The following SLC6A15 variants were observed in gnomAD, a reference collection of about 807,000 sequenced individuals.
The protein encoded by SLC6A15 is solute carrier family 6 member 15, also known as sodium-dependent neutral amino acid transporter B(0)AT2.
Under a neutral mutation model 68.5 loss-of-function variants are expected in SLC6A15, and 33 were observed. That is an observed-to-expected ratio of 0.48 (90% CI 0.37 to 0.64). The LOEUF (loss-of-function observed/expected upper bound fraction) is 0.64. Among genes scored for constraint, SLC6A15 ranks in the 30% least tolerant of loss-of-function variants. The probability of loss-of-function intolerance (pLI) is 0.00; values close to 1 mark genes in which losing one functional copy is unlikely to be tolerated. For synonymous variants in SLC6A15, 347 were observed against 301.0 expected (o/e 1.15, Z -1.58); for missense variants, 747 against 874.3 (o/e 0.85, Z 1.84).
intron 8 of SLC6A15, among the ~76,000 whole-genome samples, chr12:84,871,177 T>C (rs1361220508): frequency 1.3e-5 from 2 of 151,692 alleles, no homozygotes; most frequent in African/African-American, 2.4e-5. Context: ...AAACTTGTTT[T>C]GATTTAAGAG....
Position 84,891,993 on chromosome 12 carries a change from C to G in SLC6A15, c.128G>C (p.Gly43Ala), listed in dbSNP as rs1592608103. The G allele has an allele frequency of 1.2e-6, 2 of 1,613,884 alleles. No homozygotes were observed. Among genetic ancestry groups the G allele is most frequent in the South Asian group, 1.1e-5 (1 of 91,072 alleles). Residue 43 changes from glycine (G) to alanine (A), a missense_variant, in exon 2 of 12, where the codon GGC becomes GCC. Coordinates refer to ENST00000266682, the MANE Select transcript of SLC6A15 (RefSeq NM_182767.6). ...AFKTSELIVD[G>A]QEEKDTDVEE... The stretch of plus-strand genomic sequence containing the variant: ...AACATCTGTATCTTTCTCTTCCTGG[C>G]CATCAACAATTAGTTCACTTGTCTT...
chr12:84,885,351 A>C (rs1036751681), intron 4 of SLC6A15, 84 bp downstream of exon 4: 1 of 1,281,872 alleles, frequency 7.8e-7, no homozygotes, highest in Admixed American at 2.8e-5. Flanking sequence ...ACATTATTTT[A>C]AAAAGAAAAA....
chr12:84,906,475 C>T (rs1433170200), intron 1 of SLC6A15, among the ~76,000 whole-genome samples: 1 of 152,002 alleles, frequency 6.6e-6, no homozygotes, highest in South Asian at 2.1e-4. Flanking sequence ...AGAGGAGCTA[C>T]AACAATTTTA....
At chr12:84,883,775 A>T (rs146618318) in intron 5 of SLC6A15, 84 bp downstream of exon 5, 1 of 1,613,746 alleles carries the variant, frequency 6.2e-7, no homozygotes, top group African/African-American at 1.3e-5. Context: ...TGATTTGCCC[A>T]CAGAAATCTG....
rs1261282301 is a variant in SLC6A15 at position 84,876,712 on chromosome 12, C to T, written c.757-105G>A. ...TACTTTGACAGTCACTGTTTCATGA[C>T]AGGATTAATAAAACTATTAATAACT... On this transcript the variant is annotated intron_variant, in intron 5 of 11. Coordinates refer to ENST00000266682, the MANE Select transcript of SLC6A15 (RefSeq NM_182767.6). 5.7e-6 allele frequency: 3 copies of T among 530,602 alleles called. No individual in the cohort carries two copies. The African/African-American group carries it at 6.0e-5, about 11-fold the overall frequency. The allele number at this position is 530,602 out of a possible 1,614,324, so 32.9% of individuals were successfully genotyped here.
At chr12:84,880,774 T>C (rs1421707122) in intron 5 of SLC6A15, 1 of 469,642 alleles carries the variant, frequency 2.1e-6, no homozygotes, top group Non-Finnish European at 2.8e-6. Flanking sequence ...AGAGACTATT[T>C]TATCTTTCAA....
chr12:84,869,918 G>A (rs1199039942), intron 9 of SLC6A15, among the ~76,000 whole-genome samples: 3 of 151,986 alleles, frequency 2.0e-5, no homozygotes, highest in African/African-American at 7.2e-5. Context: ...ATGGGAGTAT[G>A]ATGCATTAAA....
At chr12:84,911,385 C>A (rs987526311) in intron 1 of SLC6A15, among the ~76,000 whole-genome samples, 1 of 152,176 alleles carries the variant, frequency 6.6e-6, no homozygotes, top group African/African-American at 2.4e-5. Context: ...AAGAAACCGT[C>A]GCAGACTTAT....
At position 84,910,928 on chromosome 12, in the gene SLC6A15, C is replaced by CTCTCTCTCTCTCTCTCTCTCTCT. The variant is rs1873408667; in HGVS notation, c.-189+1594_-189+1595insAGAGAGAGAGAGAGAGAGAGAGA. ...ATTTGCTGTTGAGCCGCCCTCTTTC[C>CTCTCTCTCTCTCTCTCTCTCTCT]GTGTGTGTGTGTGTGTGTGTGTGTG... On this transcript the variant is annotated intron_variant, in intron 1 of 11. Coordinates refer to ENST00000266682, the MANE Select transcript of SLC6A15 (RefSeq NM_182767.6). 1.0e-3 allele frequency among the ~76,000 whole-genome samples: 146 copies of CTCTCTCTCTCTCTCTCTCTCTCT among 143,514 alleles called. 7 individuals are homozygous for CTCTCTCTCTCTCTCTCTCTCTCT. Among genetic ancestry groups the CTCTCTCTCTCTCTCTCTCTCTCT allele is most frequent in the African/African-American group, 3.7e-3 (131 of 35,296 alleles). The allele number at this position is 143,514 out of a possible 152,430, so 94.2% of individuals were successfully genotyped here. A position where few individuals can be genotyped will look rare whatever the true frequency, so the allele number is the denominator to read the frequency against.
chr12:84,902,094 A>T lies in SLC6A15; in HGVS notation c.-188-9786T>A, dbSNP rs184650977. Among the ~76,000 whole-genome samples the T allele has an allele frequency of 5.5e-4, 84 of 152,024 alleles. No individual in the cohort carries two copies. The Middle Eastern group carries it at 0.01, about 18-fold the overall frequency. On this transcript the variant is annotated intron_variant, in intron 1 of 11. Coordinates refer to ENST00000266682, the MANE Select transcript of SLC6A15 (RefSeq NM_182767.6). ...ACTGAAATAATAATCTTGATGAATA[A>T]TATGAAATATTTTTAACAATATAGA...
At chr12:84,899,919 T>C (rs1004955558) in intron 1 of SLC6A15, among the ~76,000 whole-genome samples, 8 of 152,072 alleles carry the variant, frequency 5.3e-5, no homozygotes, top group Non-Finnish European at 1.0e-4. Context: ...CCCCAACCAT[T>C]TTACTTTTTG....
At chr12:84,897,557 C>T (rs1021417102) in intron 1 of SLC6A15, among the ~76,000 whole-genome samples, 1 of 151,996 alleles carries the variant, frequency 6.6e-6, no homozygotes, top group African/African-American at 2.4e-5. Context: ...CTAGGGATTT[C>T]AAGCAGAAGT....
Position 84,891,927 on chromosome 12 carries a change from T to C in SLC6A15, c.194A>G (p.Asn65Ser). Residue 65 changes from asparagine to serine, a missense_variant, in exon 2 of 12, where the codon AAC becomes AGC. By Grantham distance (46) the Asn-to-Ser change is conservative (BLOSUM62 1). Coordinates refer to ENST00000266682, the MANE Select transcript of SLC6A15 (RefSeq NM_182767.6). ...GGCCAGGATGTATTGTAGTTTACTG[T>C]TCCAAGCTGGTCTTTCATCTTCGAC... Reference protein sequence around the residue: ...SEVEDERPAWNSKLQYILAQV... With the variant: ...SEVEDERPAWSSKLQYILAQV... The C allele has an allele frequency of 6.2e-7, 1 of 1,614,058 alleles. No homozygotes were observed. The highest frequency in any genetic ancestry group is 8.5e-7 in the Non-Finnish European group (1 of 1,179,992).
At chr12:84,889,440 A>AG (rs1872279682) in intron 2 of SLC6A15, among the ~76,000 whole-genome samples, 1 of 151,990 alleles carries the variant, frequency 6.6e-6, no homozygotes, top group African/African-American at 2.4e-5. Flanking sequence ...CAGTGAGCAG[A>AG]CAGAGATTGC....
intron 2 of SLC6A15, among the ~76,000 whole-genome samples, chr12:84,890,517 A>G (rs924404483): frequency 6.6e-6 from 1 of 152,204 alleles, no homozygotes; most frequent in South Asian, 2.1e-4. Context: ...TAAATAATTC[A>G]TGTGTGAGGT....
intron 5 of SLC6A15, among the ~76,000 whole-genome samples, chr12:84,878,098 C>CTT (rs143785100): frequency 0.042 from 6,395 of 152,156 alleles, 404 homozygotes; most frequent in African/African-American, 0.14. Flanking sequence ...ATAAGGGGCA[C>CTT]TCTCTAGTTT....
intron 2 of SLC6A15, among the ~76,000 whole-genome samples, chr12:84,886,702 A>G (rs1404401488): frequency 6.6e-6 from 1 of 152,128 alleles, no homozygotes; most frequent in Non-Finnish European, 1.5e-5. Flanking sequence ...TTATCAGAAA[A>G]GGTAGTGAGA....
At chr12:84,888,797 G>C (rs1413627825) in intron 2 of SLC6A15, among the ~76,000 whole-genome samples, 7 of 152,120 alleles carry the variant, frequency 4.6e-5, no homozygotes, top group African/African-American at 1.7e-4. Context: ...ACGTTGGCAT[G>C]CTGGATACCT....
intron 1 of SLC6A15, among the ~76,000 whole-genome samples, chr12:84,901,630 T>A (rs1457448109): frequency 2.0e-5 from 3 of 151,852 alleles, no homozygotes; most frequent in African/African-American, 7.2e-5. Context: ...TAAATTTTAA[T>A]TAACATTTCC....
Sources: allele counts gnomAD v4.1 joint callset (sites outside exome capture counted in the v4.1 genomes callset), GRCh38; gene constraint gnomAD v4.1.1; transcripts MANE v1.5; gene names NCBI Gene and HGNC (gene_info 2026-07-23, HGNC 2026-07-21).